Variants in UBR7 observed in about 807,000 individuals in gnomAD.
The protein encoded by UBR7 is putative E3 ubiquitin-protein ligase UBR7.
In UBR7, 22 loss-of-function variants were observed where a neutral mutation model predicts 57.0. That is an observed-to-expected ratio of 0.39 (90% CI 0.28 to 0.55). The LOEUF (loss-of-function observed/expected upper bound fraction) is 0.55. Among genes scored for constraint, UBR7 ranks in the 20% least tolerant of loss-of-function variants. The pLI is 0.69. For synonymous variants in UBR7, 167 were observed against 179.8 expected, an observed-to-expected ratio of 0.93 and a Z score of 0.57; for missense variants, 395 against 513.2, an observed-to-expected ratio of 0.77 and a Z score of 2.23.
chr14:93,220,240 T>TTTC lies in UBR7; in HGVS notation c.961-9_961-8insTTC. 6.3e-7 allele frequency: 1 copy of TTTC among 1,583,750 alleles called. No homozygotes were observed. Among genetic ancestry groups the TTTC allele is most frequent in the South Asian group, 1.1e-5 (1 of 88,154 alleles). On this transcript the variant is annotated splice_polypyrimidine_tract_variant and intron_variant, in intron 8 of 10. Transcript: ENST00000013070. ...CCTCTTTCTTTTTTTTTTTTTTTTT[T>TTTC]CCCTAAAGAAAATGTATGGAGATCT...
intron 1 of UBR7, 99 bp downstream of exon 1, chr14:93,207,540 C>T: frequency 2.8e-6 from 4 of 1,423,222 alleles, no homozygotes; most frequent in Non-Finnish European, 3.7e-6. Context: ...GTCGTCTCCC[C>T]AGTGGTGGTC....
rs763084228 is a variant in UBR7, at chr14:93,212,162, C to A, written c.441+35C>A. 5.3e-6 allele frequency: 8 copies of A among 1,510,392 alleles called. No individual in the cohort carries two copies. In the East Asian group the frequency reaches 1.8e-4, roughly 35 times the overall value. 93.6% of individuals were successfully genotyped at this position (1,510,392 alleles called of 1,614,324 possible). ...TTGGAAGTTAAACCTGGGGGTGTGTCCCCTCTAGCCTTGATTCCTCAACTG... is the reference window on the plus strand; with the variant it reads ...TTGGAAGTTAAACCTGGGGGTGTGTACCCTCTAGCCTTGATTCCTCAACTG... On this transcript the variant is annotated intron_variant, in intron 4 of 10. Coordinates refer to ENST00000013070, the MANE Select transcript of UBR7 (RefSeq NM_175748.4).
In UBR7 at chr14:93,212,067, T is replaced by C; in HGVS notation, c.381T>C (p.Asn127=). The change falls in exon 4 of 11, where the codon AAT becomes AAC. Residue 127 remains asparagine (N), a synonymous_variant. Coordinates refer to ENST00000013070, the MANE Select transcript of UBR7 (RefSeq NM_175748.4). ...KAKVNSGNKY[N]DNFFGLYCIC... ...AGGTAAATTCTGGCAATAAGTACAATGACAACTTTTTTGGATTGTACTGCA... is the reference window on the plus strand; with the variant it reads ...AGGTAAATTCTGGCAATAAGTACAACGACAACTTTTTTGGATTGTACTGCA... The C allele has an allele frequency of 6.2e-7, 1 of 1,613,288 alleles. No homozygotes were observed. The highest frequency in any genetic ancestry group is 2.2e-5 in the East Asian group (1 of 44,870).
chr14:93,228,085 C>T lies in UBR7; in HGVS notation c.*1050C>T, dbSNP rs558731411. 7 of 685,932 alleles carry T rather than the reference C, an allele frequency of 1.0e-5. No homozygotes were observed. Among genetic ancestry groups the T allele is most frequent in the Non-Finnish European group, 1.9e-5 (7 of 376,022 alleles). The allele number at this position is 685,932 out of a possible 1,614,324, so 42.5% of individuals were successfully genotyped here. ...GCAGGGAGCCCTGTTTTGGAAGAGA[C>T]AGACTGTGGAAGAGATTACAAACAA... On this transcript the variant is annotated 3_prime_UTR_variant, in exon 11 of 11. Transcript: ENST00000013070.
intron 9 of UBR7, among the ~76,000 whole-genome samples, chr14:93,221,629 C>T (rs2140105851): frequency 6.6e-6 from 1 of 152,226 alleles, no homozygotes; most frequent in African/African-American, 2.4e-5. Context: ...AGAGGATGCA[C>T]CTAAAAGATA....
At chr14:93,215,331 T>C in intron 6 of UBR7, 50 bp downstream of exon 6, 1 of 1,457,256 alleles carries the variant, frequency 6.9e-7, no homozygotes. Flanking sequence ...CTTGTGAAAT[T>C]TGTATGTTCA....
At position 93,227,548 on chromosome 14, in the gene UBR7, C is replaced by T. The variant is rs1489194400; in HGVS notation, c.*513C>T. 4 of 699,500 alleles carry T rather than the reference C, an allele frequency of 5.7e-6. No homozygotes were observed. The South Asian group carries it at 6.0e-5, about 10-fold the overall frequency. The allele number at this position is 699,500 out of a possible 1,614,324, so 43.3% of individuals were successfully genotyped here. A position where few individuals can be genotyped will look rare whatever the true frequency, so the allele number is the denominator to read the frequency against. On this transcript the variant is annotated 3_prime_UTR_variant, in exon 11 of 11. Transcript: ENST00000013070. ...GCTCCTTCTTTCACGTCCCTGTTTT[C>T]TGAGGTTTGGTCATAGCTTAGAAAG...
At chr14:93,222,721 C>T (rs112328394) in intron 10 of UBR7, among the ~76,000 whole-genome samples, 13 of 150,166 alleles carry the variant, frequency 8.7e-5, no homozygotes, top group East Asian at 5.9e-4. Context: ...CCAGCCTGGG[C>T]GACAGAGCAA....
chr14:93,212,260 C>T (rs1192202601), intron 4 of UBR7, 133 bp downstream of exon 4: 1 of 677,612 alleles, frequency 1.5e-6, no homozygotes, highest in African/African-American at 1.8e-5. Context: ...TTTATCTTTT[C>T]TTATGAATCT....
chr14:93,210,296 G>A (rs1255257663), intron 2 of UBR7, among the ~76,000 whole-genome samples: 1 of 151,962 alleles, frequency 6.6e-6, no homozygotes, highest in Non-Finnish European at 1.5e-5. Flanking sequence ...AGTTAGCCAG[G>A]ATGGTCTCGA....
intron 6 of UBR7, among the ~76,000 whole-genome samples, chr14:93,215,515 C>T (rs1894573108): frequency 6.6e-6 from 1 of 151,866 alleles, no homozygotes; most frequent in Non-Finnish European, 1.5e-5. Context: ...ATGGCGAAAC[C>T]CCATCTCTAC....
At chr14:93,223,877 C>A (rs1284600703) in intron 10 of UBR7, 1 of 738,980 alleles carries the variant, frequency 1.4e-6, no homozygotes, top group Non-Finnish European at 2.5e-6. Flanking sequence ...GGCGCCGCTC[C>A]GGGAGTCATA....
At position 93,229,116 on chromosome 14, in the gene UBR7, A is replaced by G; in HGVS notation, c.*2081A>G. 1 of 356,328 alleles carries G rather than the reference A, an allele frequency of 2.8e-6. No homozygotes were observed. Among genetic ancestry groups the G allele is most frequent in the South Asian group, 2.2e-5 (1 of 45,958 alleles). 22.1% of individuals were successfully genotyped at this position (356,328 alleles called of 1,614,324 possible). ...TTAGTTGCTTTTAAGGAGTTCTGGC[A>G]TTGTATGTGCATTTTTGTAGAAATT... is the stretch of plus-strand genomic sequence containing the variant. On this transcript the variant is annotated 3_prime_UTR_variant, in exon 11 of 11. Coordinates refer to ENST00000013070, the MANE Select transcript of UBR7 (RefSeq NM_175748.4).
rs1194861563 is a variant in UBR7 at position 93,222,912 on chromosome 14, G to A, written c.1185+538G>A. On this transcript the variant is annotated intron_variant, in intron 10 of 10. Transcript: ENST00000013070. The stretch of plus-strand genomic sequence containing the variant: ...AAGCCGGGAAGAATGATGGGAGGGC[G>A]CAGTCCCACAGCCTCTGAGAGAGTA... 1.3e-5 allele frequency among the ~76,000 whole-genome samples: 2 copies of A among 152,154 alleles called. 1 individual carries two copies. The highest frequency in any genetic ancestry group is 3.9e-4 in the East Asian group (2 of 5,190).
At chr14:93,226,909 G>C in intron 10 of UBR7, 34 bp from the exon 11 acceptor site, 1 of 1,506,806 alleles carries the variant, frequency 6.6e-7, no homozygotes, top group Non-Finnish European at 9.2e-7. Flanking sequence ...CTGTTACTTA[G>C]TTCTCTTTCA....
intron 4 of UBR7, among the ~76,000 whole-genome samples, chr14:93,212,999 A>G (rs1292325768): frequency 6.6e-6 from 1 of 152,162 alleles, no homozygotes; most frequent in Non-Finnish European, 1.5e-5. Context: ...TTGGCTGGGC[A>G]CTGTGGCTTA....
chr14:93,223,639 TG>T, intron 10 of UBR7: 1 of 1,383,538 alleles, frequency 7.2e-7, no homozygotes, highest in Non-Finnish European at 1.0e-6. Context: ...AAGCGTGGCT[TG>T]GGCTGACGGG....
Position 93,207,263 on chromosome 14 carries a change from C to T in UBR7, c.-29C>T, listed in dbSNP as rs1487056022. 2 of 1,549,682 alleles carry T rather than the reference C, an allele frequency of 1.3e-6. No homozygotes were observed. The highest frequency in any genetic ancestry group is 2.1e-4 in the Middle Eastern group (1 of 4,688). ...GCCGCTTTTCCCGCCTCCGCCGGGG[C>T]CGAGCCGCTGTTCGGCTGACAGTTG... On this transcript the variant is annotated 5_prime_UTR_variant, in exon 1 of 11. Transcript: ENST00000013070.
chr14:93,219,031 G>A (rs1466022881), intron 7 of UBR7, among the ~76,000 whole-genome samples, 181 bp from the exon 8 acceptor site: 2 of 151,604 alleles, frequency 1.3e-5, no homozygotes, highest in Non-Finnish European at 1.5e-5. Flanking sequence ...CTCTAGCCTG[G>A]GCAACAGAAT....
Sources: gnomAD v4.1 joint callset for allele counts (sites outside exome capture counted in the v4.1 genomes callset) on GRCh38, gnomAD v4.1.1 for gene constraint, MANE v1.5 for transcripts, NCBI Gene and HGNC (gene_info 2026-07-23, HGNC 2026-07-21) for gene names.